GATAD2B: variants seen among roughly 807,000 people sequenced by gnomAD.
GATAD2B encodes the protein transcriptional repressor p66-beta.
A neutral mutation model predicts 64.3 loss-of-function variants in GATAD2B; 8 were observed. That is an observed-to-expected ratio of 0.12 (90% CI 0.07 to 0.22). The LOEUF is 0.22. GATAD2B is among the 10% of genes least tolerant of loss of function. GATAD2B has a pLI of 1.00. For missense variants in GATAD2B, 453 were observed against 752.0 expected, an observed-to-expected ratio of 0.60 and a Z score of 4.65; for synonymous variants, 281 against 271.3, an observed-to-expected ratio of 1.04 and a Z score of -0.35.
chr1:153,861,809 T>TATATATATATATATATATATAC (rs1294838675), intron 1 of GATAD2B, among the ~76,000 whole-genome samples: 2 of 122,190 alleles, frequency 1.6e-5, no homozygotes, highest in African/African-American at 6.0e-5. Context: ...TATATATATA[T>TATATATATATATATATATATAC]ACACATATGT....
intron 1 of GATAD2B, among the ~76,000 whole-genome samples, chr1:153,841,779 T>C (rs1675505459): frequency 6.6e-6 from 1 of 152,192 alleles, no homozygotes; most frequent in Non-Finnish European, 1.5e-5. Context: ...TGTAGAAAAG[T>C]TTTCATTTAT....
At position 153,827,112 on chromosome 1, in the gene GATAD2B, G is replaced by A. The variant is rs1570937033; in HGVS notation, c.335+901C>T. 3.3e-5 allele frequency among the ~76,000 whole-genome samples: 5 copies of A among 150,574 alleles called. No homozygotes were observed. The South Asian group carries it at 1.1e-3, about 32-fold the overall frequency. ...ATACAAAAATTAGACAGGCATGGTG[G>A]GATGTGCCTGTAGTCCCAGCTACTC... On this transcript the variant is annotated intron_variant, in intron 2 of 10. Coordinates refer to ENST00000368655, the MANE Select transcript of GATAD2B (RefSeq NM_020699.4).
intron 9 of GATAD2B, 52 bp from the exon 10 acceptor site, chr1:153,811,900 G>A: frequency 7.3e-7 from 1 of 1,369,508 alleles, no homozygotes; most frequent in Non-Finnish European, 1.0e-6. Context: ...AGAATGTTAA[G>A]CGGGGGCAAA....
Position 153,816,205 on chromosome 1 carries a change from C to A in GATAD2B, c.1216+68G>T. ...TAATATTGTACAGTACCCTCTGATA[C>A]TCTGCCTATGTCAATCAGGCTTGGC... On this transcript the variant is annotated intron_variant, in intron 7 of 10. Transcript: ENST00000368655. This position sits in a 1 kb window ranked among gnomAD's most constrained non-coding sequence, Gnocchi z 4.9. 1 of 985,128 alleles carries A rather than the reference C, an allele frequency of 1.0e-6. No homozygotes were observed. The highest frequency in any genetic ancestry group is 1.6e-6 in the Non-Finnish European group (1 of 622,670). 61.0% of individuals were successfully genotyped at this position (985,128 alleles called of 1,614,324 possible).
Position 153,810,063 on chromosome 1 carries a change from G to T in GATAD2B, c.*114C>A. On this transcript the variant is annotated 3_prime_UTR_variant, in exon 11 of 11. Coordinates refer to ENST00000368655, the MANE Select transcript of GATAD2B (RefSeq NM_020699.4). Reference sequence around the variant, plus strand: ...TTTTTGTCTTCTGTTTTTCTGTTTTGCTTTCCGTGTATGGTAGGCACCAGT... The same window carrying T: ...TTTTTGTCTTCTGTTTTTCTGTTTTTCTTTCCGTGTATGGTAGGCACCAGT... 1 of 1,018,204 alleles carries T rather than the reference G, an allele frequency of 9.8e-7. No individual in the cohort carries two copies. The highest frequency in any genetic ancestry group is 1.4e-6 in the Non-Finnish European group (1 of 703,546). 63.1% of individuals were successfully genotyped at this position (1,018,204 alleles called of 1,614,324 possible).
chr1:153,881,124 C>G (rs762533709), intron 1 of GATAD2B, among the ~76,000 whole-genome samples: 7 of 152,066 alleles, frequency 4.6e-5, no homozygotes, highest in Non-Finnish European at 1.0e-4. Flanking sequence ...GCAGGCCTTT[C>G]CCTTTGTGTT....
At chr1:153,907,967 G>A (rs1677998822) in intron 1 of GATAD2B, among the ~76,000 whole-genome samples, 1 of 152,130 alleles carries the variant, frequency 6.6e-6, no homozygotes, top group African/African-American at 2.4e-5. Context: ...ACCACGTTCA[G>A]CTAATTTTTG....
At chr1:153,812,190 CTTTTTT>C (rs11264420) in intron 8 of GATAD2B, 58 bp from the exon 9 acceptor site, 12 of 611,434 alleles carry the variant, frequency 2.0e-5, no homozygotes, top group East Asian at 2.8e-5. Context: ...ACCCAATTTC[CTTTTTT>C]TTTTTTTTTT....
chr1:153,848,136 CCT>C, intron 1 of GATAD2B, among the ~76,000 whole-genome samples: 1 of 151,966 alleles, frequency 6.6e-6, no homozygotes, highest in Non-Finnish European at 1.5e-5. Context: ...ATTTCTTACA[CCT>C]TAGAAAATTC....
Position 153,810,006 on chromosome 1 carries a change from G to A in GATAD2B, c.*171C>T, listed in dbSNP as rs1419786764. ...GTGTGAAATAAAGGGGAGGTGGCAG[G>A]GCAGGGCGTGTGTTTTCTTGCTGAT... On this transcript the variant is annotated 3_prime_UTR_variant, in exon 11 of 11. Transcript: ENST00000368655. 3.3e-6 allele frequency: 2 copies of A among 612,200 alleles called. No homozygotes were observed. Among genetic ancestry groups the A allele is most frequent in the Non-Finnish European group, 5.7e-6 (2 of 350,472 alleles). The allele number at this position is 612,200 out of a possible 1,614,324, so 37.9% of individuals were successfully genotyped here.
intron 1 of GATAD2B, among the ~76,000 whole-genome samples, chr1:153,899,903 C>T (rs1677716036): frequency 6.6e-6 from 1 of 152,146 alleles, no homozygotes; most frequent in Non-Finnish European, 1.5e-5. Context: ...ACTTCTAGAA[C>T]TTTTACCTAC....
chr1:153,828,215 T>A lies in GATAD2B; in HGVS notation c.133A>T (p.Met45Leu). The A allele has an allele frequency of 6.2e-7, 1 of 1,614,168 alleles. No individual in the cohort carries two copies. The highest frequency in any genetic ancestry group is 1.7e-5 in the Admixed American group (1 of 60,014). The change falls in exon 2 of 11, where the codon ATG (methionine) becomes TTG (leucine). Residue 45 changes from methionine to leucine, a missense_variant. Around this residue, in one of 2 missense-constraint regions of GATAD2B, gnomAD observed 293 missense variants for 417.2 expected, o/e 0.70. Transcript: ENST00000368655. ...EGHEAMERLKMLALLKRKDLA... is the reference protein window; with the variant it reads ...EGHEAMERLKLLALLKRKDLA... ...TCCTTCCTTTTGAGCAATGCCAACA[T>A]TTTCAGACGTTCCATGGCCTCATGC...
chr1:153,882,122 T>C (rs1327852522), intron 1 of GATAD2B, among the ~76,000 whole-genome samples: 1 of 152,144 alleles, frequency 6.6e-6, no homozygotes, highest in Non-Finnish European at 1.5e-5. Context: ...TAAAAGTCAT[T>C]TGTGGTACAA....
intron 1 of GATAD2B, among the ~76,000 whole-genome samples, chr1:153,879,076 A>G (rs938629277): frequency 6.6e-6 from 1 of 152,230 alleles, no homozygotes; most frequent in East Asian, 1.9e-4. Flanking sequence ...AGTAGCTGGG[A>G]CTACAGGCGC....
chr1:153,907,805 A>AT (rs1432519761), intron 1 of GATAD2B, among the ~76,000 whole-genome samples: 2 of 149,942 alleles, frequency 1.3e-5, no homozygotes, highest in African/African-American at 2.5e-5. Context: ...CACCCAGCTA[A>AT]TTTTTTTTGT....
rs767028993 is a variant in GATAD2B at position 153,816,628 on chromosome 1, G to C, written c.901-40C>G. 7.3e-7 allele frequency: 1 copy of C among 1,362,260 alleles called. No individual in the cohort carries two copies. Among genetic ancestry groups the C allele is most frequent in the South Asian group, 1.2e-5 (1 of 84,086 alleles). The allele number at this position is 1,362,260 out of a possible 1,614,324, so 84.4% of individuals were successfully genotyped here. On this transcript the variant is annotated intron_variant, in intron 6 of 10. Coordinates refer to ENST00000368655, the MANE Select transcript of GATAD2B (RefSeq NM_020699.4). The surrounding 1 kb of genome is among the most constrained non-coding windows in gnomAD (Gnocchi z 4.9). ...GAATGCGGTCAATCATGGTATGCAG[G>C]AGAAAGGGCCAATTCTTACGTTCTT...
intron 8 of GATAD2B, 94 bp downstream of exon 8, chr1:153,813,156 G>A: frequency 1.2e-6 from 1 of 869,148 alleles, no homozygotes. Flanking sequence ...TGGACCTGTA[G>A]GGATCACATG....
chr1:153,828,070 C>T lies in GATAD2B; in HGVS notation c.278G>A (p.Gly93Glu). 1 of 1,614,164 alleles carries T rather than the reference C, an allele frequency of 6.2e-7. No homozygotes were observed. The highest frequency in any genetic ancestry group is 8.5e-7 in the Non-Finnish European group (1 of 1,180,038). ...LRPHGDNRTA[G>E]RPGKENINDE... ...ATTGATGTTTTCTTTGCCTGGCCTT[C>T]CAGCAGTCCTGTTGTCTCCATGAGG... The change falls in exon 2 of 11, where the codon GGA becomes GAA. Residue 93 changes from glycine to glutamate, a missense_variant. Transcript: ENST00000368655.
intron 1 of GATAD2B, among the ~76,000 whole-genome samples, chr1:153,851,250 T>C (rs991881986): frequency 1.3e-5 from 2 of 152,214 alleles, no homozygotes; most frequent in African/African-American, 4.8e-5. Flanking sequence ...GTCCTCAAGC[T>C]TCATCCATGT....
Sources: gnomAD v4.1 joint callset for allele counts (sites outside exome capture counted in the v4.1 genomes callset) on GRCh38, gnomAD v4.1.1 for gene constraint, gnomAD v4.1.1 regional missense constraint, Gnocchi (gnomAD v3.1) non-coding constraint, MANE v1.5 for transcripts, NCBI Gene and HGNC (gene_info 2026-07-23, HGNC 2026-07-21) for gene names.